SV2C: variants seen among roughly 807,000 people sequenced by gnomAD.
SV2C encodes the protein synaptic vesicle glycoprotein 2C, also known as solute carrier family 22 member B3.
In SV2C, 49 loss-of-function variants were observed where a neutral mutation model predicts 79.7. The ratio of observed to expected loss-of-function variants is 0.61; its 90% CI spans 0.49 to 0.78. The LOEUF is 0.78. Among genes scored for constraint, SV2C ranks in the 30% least tolerant of loss-of-function variants. SV2C has a pLI of 0.00. For missense variants in SV2C, 833 were observed against 912.9 expected (o/e 0.91, Z 1.13); for synonymous variants, 334 against 333.2 (o/e 1.00, Z -0.03).
rs112991465 is a variant in SV2C at position 76,253,143 on chromosome 5, TA to T, written c.914-32015del. 3.6e-3 allele frequency among the ~76,000 whole-genome samples: 547 copies of T among 152,298 alleles called. 3 individuals carry two copies. The highest frequency in any genetic ancestry group is 0.012 in the African/African-American group (510 of 41,548). ...CAGAGAATTATAACAGGTTGATCAA[TA>T]AAATCAGAAAAAGCATGATTCATGC... On this transcript the variant is annotated intron_variant, in intron 4 of 12. Transcript: ENST00000502798.
At chr5:76,313,252 G>C (rs770990541) in intron 12 of SV2C, among the ~76,000 whole-genome samples, 11 of 152,096 alleles carry the variant, frequency 7.2e-5, no homozygotes, top group Admixed American at 1.3e-4. Flanking sequence ...GAAGATTTTG[G>C]TACAGAGGAA....
chr5:75,942,283 G>C, the SV2C span, among the ~76,000 whole-genome samples: 11 of 152,230 alleles, frequency 7.2e-5, no homozygotes, highest in East Asian at 1.7e-3. Flanking sequence ...CATAAGTAAG[G>C]GTTTCCCTGA....
At chr5:76,262,537 G>A (rs115436730) in intron 4 of SV2C, among the ~76,000 whole-genome samples, 1,820 of 152,036 alleles carry the variant, frequency 0.012, 31 homozygotes, top group African/African-American at 0.042. Context: ...CGATTTTAAG[G>A]GATCTTTCCC....
the SV2C span, among the ~76,000 whole-genome samples, chr5:76,066,475 G>C: frequency 1.7e-5 from 2 of 115,746 alleles, no homozygotes; most frequent in African/African-American, 6.5e-5. Context: ...GGAGGGGGGA[G>C]GGAAAGCATT....
the SV2C span, among the ~76,000 whole-genome samples, chr5:75,883,622 G>A: frequency 1.4e-5 from 2 of 143,678 alleles, no homozygotes; most frequent in African/African-American, 5.4e-5. Context: ...TCACTCATAG[G>A]TGGGAATTGA....
chr5:76,019,100 A>G, the SV2C span, among the ~76,000 whole-genome samples: 1 of 152,160 alleles, frequency 6.6e-6, no homozygotes, highest in South Asian at 2.1e-4. Context: ...GAGAGAGAAA[A>G]TAAAAACCCC....
At chr5:75,855,100 A>G in the SV2C span, among the ~76,000 whole-genome samples, 1 of 152,070 alleles carries the variant, frequency 6.6e-6, no homozygotes, top group African/African-American at 2.4e-5. Context: ...GGACTATTCT[A>G]TATCTTTTGC....
At chr5:76,241,960 T>G (rs937908182) in intron 4 of SV2C, 41 of 824,666 alleles carry the variant, frequency 5.0e-5, no homozygotes, top group Non-Finnish European at 8.1e-5. Flanking sequence ...TAAAACTTGA[T>G]AAAAAATAGT....
At chr5:76,129,124 G>A (rs566803451) in intron 1 of SV2C, among the ~76,000 whole-genome samples, 6 of 152,276 alleles carry the variant, frequency 3.9e-5, no homozygotes, top group Non-Finnish European at 5.9e-5. Flanking sequence ...GTTTAACTCC[G>A]TATTTTGAAA....
chr5:76,292,729 G>A (rs1042073911), intron 8 of SV2C, among the ~76,000 whole-genome samples: 2 of 152,172 alleles, frequency 1.3e-5, no homozygotes, highest in African/African-American at 4.8e-5. Context: ...TCAATAAATA[G>A]TTGTTGCCAA....
the SV2C span, among the ~76,000 whole-genome samples, chr5:75,875,802 G>A: frequency 6.6e-6 from 1 of 151,774 alleles, no homozygotes; most frequent in South Asian, 2.1e-4. Flanking sequence ...TATACATGTG[G>A]CCAACAAGCA....
chr5:76,143,050 C>G (rs1749309865), intron 2 of SV2C, among the ~76,000 whole-genome samples: 1 of 152,016 alleles, frequency 6.6e-6, no homozygotes. Flanking sequence ...GCACCTGCCA[C>G]CACACCCGGC....
chr5:75,895,652 C>G, the SV2C span, among the ~76,000 whole-genome samples: 1 of 152,014 alleles, frequency 6.6e-6, no homozygotes, highest in Non-Finnish European at 1.5e-5. Flanking sequence ...GGTTTCCAAG[C>G]AATTCATGGG....
intron 10 of SV2C, among the ~76,000 whole-genome samples, chr5:76,299,527 C>A (rs757626036): frequency 1.6e-4 from 25 of 152,108 alleles, no homozygotes; most frequent in Non-Finnish European, 3.4e-4. Context: ...ATGTTTGAAC[C>A]CAGATTTATT....
At chr5:76,295,693 T>C in intron 8 of SV2C, 85 bp from the exon 9 acceptor site, 2 of 1,365,486 alleles carry the variant, frequency 1.5e-6, no homozygotes, top group South Asian at 1.4e-5. Context: ...CCGGGAACTA[T>C]TACCAGTCTG....
the SV2C span, among the ~76,000 whole-genome samples, chr5:75,863,852 A>G: frequency 6.6e-6 from 1 of 152,188 alleles, no homozygotes; most frequent in East Asian, 1.9e-4. Flanking sequence ...TTTTCTGTTG[A>G]TTTATTCTGC....
At chr5:76,089,147 C>T (rs1747291550) in intron 1 of SV2C, among the ~76,000 whole-genome samples, 1 of 152,148 alleles carries the variant, frequency 6.6e-6, no homozygotes, top group African/African-American at 2.4e-5. Context: ...GCCCAGAATG[C>T]ATTAGCTATT....
chr5:76,088,800 A>C lies in SV2C; in HGVS notation c.-102+5288A>C, dbSNP rs1501904. The stretch of plus-strand genomic sequence containing the variant: ...CTAATTTTACAATTTCCTTTTTTTT[A>C]AAAAAAAATGGGAATTTTTCATTAA... On this transcript the variant is annotated intron_variant, in intron 1 of 12. Transcript: ENST00000502798. Among the ~76,000 whole-genome samples, 1,200 of 142,596 alleles carry C rather than the reference A, an allele frequency of 8.4e-3. 23 individuals carry two copies. The highest frequency in any genetic ancestry group is 0.028 in the African/African-American group (1,147 of 40,522). The allele number at this position is 142,596 out of a possible 152,430, so 93.5% of individuals were successfully genotyped here. A position where few individuals can be genotyped will look rare whatever the true frequency, so the allele number is the denominator to read the frequency against.
chr5:75,999,466 G>A, the SV2C span, among the ~76,000 whole-genome samples: 1 of 151,856 alleles, frequency 6.6e-6, no homozygotes, highest in African/African-American at 2.4e-5. Flanking sequence ...CTCAGGGTCT[G>A]CCATGGGCAG....
Sources: gnomAD v4.1 joint callset for allele counts (sites outside exome capture counted in the v4.1 genomes callset) on GRCh38, gnomAD v4.1.1 for gene constraint, MANE v1.5 for transcripts, NCBI Gene and HGNC (gene_info 2026-07-23, HGNC 2026-07-21) for gene names.